Variants in DNAI7 observed in about 807,000 individuals in gnomAD.
The protein encoded by DNAI7 is cancer susceptibility 1.
A neutral mutation model predicts 86.6 loss-of-function variants in DNAI7; 78 were observed. That is an observed-to-expected ratio of 0.90 (90% confidence interval 0.75 to 1.09). The LOEUF (loss-of-function observed/expected upper bound fraction) is 1.09, where lower values mean the gene tolerates loss of function less well. Among genes scored for constraint, DNAI7 ranks in the 50% least tolerant of loss-of-function variants. The pLI, the probability that DNAI7 is intolerant of heterozygous loss-of-function variation, is 0.00. For synonymous variants in DNAI7, 274 were observed against 273.0 expected, an observed-to-expected ratio of 1.00 and a Z score of -0.04; for missense variants, 753 against 810.2, an observed-to-expected ratio of 0.93 and a Z score of 0.86.
chr12:25,124,032 T>TGTGTG (rs1941711928), intron 9 of DNAI7, among the ~76,000 whole-genome samples: 1 of 144,574 alleles, frequency 6.9e-6, no homozygotes, highest in African/African-American at 2.5e-5. Context: ...AGTATAAAAA[T>TGTGTG]TGTGTGTGTG....
chr12:25,123,900 A>G (rs948228833), intron 9 of DNAI7, among the ~76,000 whole-genome samples: 17 of 152,190 alleles, frequency 1.1e-4, no homozygotes, highest in African/African-American at 4.1e-4. Flanking sequence ...CACATCTTGC[A>G]AACAATCCGA....
chr12:25,194,102 G>C (rs575889001), intron 1 of DNAI7, among the ~76,000 whole-genome samples: 1 of 151,646 alleles, frequency 6.6e-6, no homozygotes, highest in Non-Finnish European at 1.5e-5. Context: ...TTACAGGGGT[G>C]AGCCACCGCG....
intron 15 of DNAI7, among the ~76,000 whole-genome samples, chr12:25,109,136 A>G (rs1297443020): frequency 1.3e-5 from 2 of 152,242 alleles, no homozygotes; most frequent in Non-Finnish European, 1.5e-5. Context: ...GACATACAAC[A>G]TATATAAATA....
At chr12:25,158,914 T>A (rs1946525867) in intron 3 of DNAI7, among the ~76,000 whole-genome samples, 1 of 152,142 alleles carries the variant, frequency 6.6e-6, no homozygotes, top group Non-Finnish European at 1.5e-5. Flanking sequence ...CCAGTTAGAA[T>A]GGCGATCATT....
intron 6 of DNAI7, among the ~76,000 whole-genome samples, chr12:25,150,756 T>C (rs1000210522): frequency 2.0e-5 from 3 of 152,142 alleles, no homozygotes; most frequent in Non-Finnish European, 4.4e-5. Flanking sequence ...GTTAACTATG[T>C]GTGACAGCTT....
intron 14 of DNAI7, 39 bp from the exon 15 acceptor site, chr12:25,110,279 T>C: frequency 8.7e-7 from 1 of 1,149,178 alleles, no homozygotes; most frequent in Non-Finnish European, 1.3e-6. Flanking sequence ...TCTTTGAGCC[T>C]CCCAACAAGT....
intron 9 of DNAI7, among the ~76,000 whole-genome samples, chr12:25,139,239 A>C (rs528175702): frequency 1.3e-5 from 2 of 152,256 alleles, no homozygotes; most frequent in South Asian, 4.1e-4. Flanking sequence ...ATAAAAAAAA[A>C]GTCCAGAACC....
chr12:25,159,791 G>A (rs76458764), intron 3 of DNAI7, among the ~76,000 whole-genome samples: 22 of 151,272 alleles, frequency 1.5e-4, no homozygotes, highest in Non-Finnish European at 2.8e-4. Context: ...AGGAGTCACC[G>A]AAAAAAAAGG....
In DNAI7 at chr12:25,144,252, GT is replaced by G. The variant is rs1194234433; in HGVS notation, c.1002+112del. On this transcript the variant is annotated intron_variant, in intron 9 of 15. Coordinates refer to ENST00000395987, the MANE Select transcript of DNAI7 (RefSeq NM_018272.5). ...TAAAAATTGAGGCACTGGCAAGAAA[GT>G]GGCTCCCAGACAATTTCCAGTTGTT... The G allele has an allele frequency of 3.3e-5, 28 of 854,084 alleles. No homozygotes were observed. The African/African-American group carries it at 4.1e-4, about 12-fold the overall frequency. 52.9% of individuals were successfully genotyped at this position (854,084 alleles called of 1,614,324 possible). A position where few individuals can be genotyped will look rare whatever the true frequency, so the allele number is the denominator to read the frequency against.
At chr12:25,168,415 A>T (rs1947741941) in intron 2 of DNAI7, among the ~76,000 whole-genome samples, 1 of 152,074 alleles carries the variant, frequency 6.6e-6, no homozygotes, top group South Asian at 2.1e-4. Flanking sequence ...TTCTGCCTCC[A>T]CTATTGCTCT....
intron 2 of DNAI7, among the ~76,000 whole-genome samples, chr12:25,164,850 C>T (rs1310403813): frequency 2.0e-5 from 3 of 151,860 alleles, no homozygotes; most frequent in Non-Finnish European, 4.4e-5. Context: ...CCTCAGCCTC[C>T]ACTCCTCCAC....
rs1405511548 is a variant in DNAI7 at position 25,108,655 on chromosome 12, C to CCTT, written c.2059_2061dup (p.Lys687dup). The CCTT allele has an allele frequency of 1.9e-6, 3 of 1,613,462 alleles. No homozygotes were observed. In the African/African-American group the frequency reaches 4.0e-5, roughly 22 times the overall value. ...TCCATTGCTTCCTCAGAAGCAAAATCCTTCACCATGTGATATAAAGTAGAA... is the reference window on the plus strand; with the variant it reads ...TCCATTGCTTCCTCAGAAGCAAAATCCTTCTTCACCATGTGATATAAAGTAGAA... On this transcript the variant is annotated inframe_insertion, in exon 16 of 16. Transcript: ENST00000395987.
At chr12:25,114,551 C>T in intron 13 of DNAI7, 105 bp downstream of exon 13, 3 of 674,584 alleles carry the variant, frequency 4.4e-6, no homozygotes, top group South Asian at 3.8e-5. Flanking sequence ...ACTTATATTT[C>T]AATATATAAA....
chr12:25,115,670 A>G (rs1374593084), intron 12 of DNAI7, among the ~76,000 whole-genome samples: 1 of 152,250 alleles, frequency 6.6e-6, no homozygotes. Flanking sequence ...AAAAAGATAA[A>G]TAACAAATGT....
intron 2 of DNAI7, among the ~76,000 whole-genome samples, chr12:25,163,224 T>C (rs1015134329): frequency 6.6e-6 from 1 of 152,226 alleles, no homozygotes; most frequent in Non-Finnish European, 1.5e-5. Flanking sequence ...GTCAGGCCTC[T>C]GAGCCCAAGC....
intron 6 of DNAI7, 53 bp from the exon 7 acceptor site, chr12:25,149,827 AG>A (rs1474302119): frequency 8.8e-7 from 1 of 1,132,924 alleles, no homozygotes; most frequent in Non-Finnish European, 1.3e-6. Context: ...GTCAAGGACA[AG>A]TGAAAAAGGG....
intron 9 of DNAI7, among the ~76,000 whole-genome samples, chr12:25,126,181 G>T (rs925283479): frequency 6.6e-6 from 1 of 152,174 alleles, no homozygotes; most frequent in Non-Finnish European, 1.5e-5. Context: ...CACTCCAAGT[G>T]GTCAGGTATA....
intron 12 of DNAI7, 86 bp downstream of exon 12, chr12:25,119,059 C>T (rs1411030558): frequency 2.9e-6 from 3 of 1,029,530 alleles, no homozygotes; most frequent in Non-Finnish European, 4.1e-6. Flanking sequence ...AGATAGTAAG[C>T]TCAGTTAATA....
intron 11 of DNAI7, among the ~76,000 whole-genome samples, chr12:25,121,525 A>G (rs1941289767): frequency 6.6e-6 from 1 of 152,264 alleles, no homozygotes; most frequent in African/African-American, 2.4e-5. Context: ...ATGTAAATTT[A>G]CAATGAAGTT....
Sources: allele counts gnomAD v4.1 joint callset (sites outside exome capture counted in the v4.1 genomes callset), GRCh38; gene constraint gnomAD v4.1.1; transcripts MANE v1.5; gene names NCBI Gene and HGNC (gene_info 2026-07-23, HGNC 2026-07-21).